The following TGIF1 variants were observed in gnomAD, a reference collection of about 807,000 sequenced individuals.
TGIF1 encodes the protein homeobox protein TGIF1.
In TGIF1, 4 loss-of-function variants were observed where a neutral mutation model predicts 19.3. The ratio of observed to expected loss-of-function variants is 0.21; its 90% CI spans 0.10 to 0.47. The LOEUF is 0.47. Among genes scored for constraint, TGIF1 ranks in the 20% least tolerant of loss-of-function variants. The pLI is 0.98. For synonymous variants in TGIF1, 122 were observed against 129.3 expected, an observed-to-expected ratio of 0.94 and a Z score of 0.38; for missense variants, 275 against 341.4, an observed-to-expected ratio of 0.81 and a Z score of 1.53.
At chr18:3,436,432 T>C (rs1303490108) in intron 2 of TGIF1, among the ~76,000 whole-genome samples, 1 of 152,202 alleles carries the variant, frequency 6.6e-6, no homozygotes, top group Non-Finnish European at 1.5e-5. Context: ...AATTTTAATT[T>C]GTGTTTTGCT....
At chr18:3,424,931 A>C (rs989979568) in intron 2 of TGIF1, among the ~76,000 whole-genome samples, 2 of 152,154 alleles carry the variant, frequency 1.3e-5, no homozygotes, top group African/African-American at 2.4e-5. Context: ...AATATCCTTT[A>C]TAATAAACAG....
intron 1 of TGIF1, chr18:3,415,203 T>A (rs1300650536): frequency 4.5e-6 from 1 of 220,406 alleles, no homozygotes; most frequent in Non-Finnish European, 9.7e-6. Flanking sequence ...CTGGAGTGGC[T>A]CAAGAGCCAG....
intron 1 of TGIF1, among the ~76,000 whole-genome samples, chr18:3,412,448 G>T (rs942387056): frequency 2.0e-5 from 3 of 152,168 alleles, no homozygotes; most frequent in Non-Finnish European, 2.9e-5. Context: ...GAGAAGAAAT[G>T]GAAATATTGT....
intron 1 of TGIF1, chr18:3,415,664 AGAAT>A (rs1156620781): frequency 5.3e-6 from 1 of 190,416 alleles, no homozygotes; most frequent in African/African-American, 2.3e-5. Context: ...GTGCAACTTC[AGAAT>A]GAAGATAGGC....
chr18:3,427,344 T>C (rs2082485802), intron 2 of TGIF1, among the ~76,000 whole-genome samples: 3 of 151,234 alleles, frequency 2.0e-5, no homozygotes, highest in African/African-American at 4.9e-5. Context: ...CAGGCTAGAG[T>C]GCAGAGGCAC....
Position 3,453,686 on chromosome 18 carries a change from CAAAAAAAAAA to C in TGIF1, c.17-2655_17-2646del, listed in dbSNP as rs58332536. Reference sequence around the variant, plus strand: ...GGGTGACAAGAGCGAAACTCTGTCTCAAAAAAAAAAAAAAAAAAAAAAGAACGTGCAGGAA... The same window carrying C: ...GGGTGACAAGAGCGAAACTCTGTCTCAAAAAAAAAAAAGAACGTGCAGGAA... On this transcript the variant is annotated intron_variant, in intron 1 of 2. Transcript: ENST00000343820. 7.1e-5 allele frequency: 19 copies of C among 269,172 alleles called. No homozygotes were observed. In the East Asian group the frequency reaches 1.6e-3, roughly 22 times the overall value. 16.7% of individuals were successfully genotyped at this position (269,172 alleles called of 1,614,324 possible). A position where few individuals can be genotyped will look rare whatever the true frequency, so the allele number is the denominator to read the frequency against.
At position 3,459,841 on chromosome 18, in the gene TGIF1, G is replaced by A. The variant is rs2049465543; in HGVS notation, c.*1901G>A. ...TGATAATAGTTGGTGTTGAATGAAT[G>A]TAATCCATTATTTAAAAACAGGTAC... On this transcript the variant is annotated 3_prime_UTR_variant, in exon 3 of 3. Coordinates refer to ENST00000343820, the MANE Select transcript of TGIF1 (RefSeq NM_003244.4). The A allele has an allele frequency of 6.6e-6, 1 of 152,166 alleles. No individual in the cohort carries two copies. Among genetic ancestry groups the A allele is most frequent in the South Asian group, 2.1e-4 (1 of 4,838 alleles). The allele number at this position is 152,166 out of a possible 1,614,324, so 9.4% of individuals were successfully genotyped here. A position where few individuals can be genotyped will look rare whatever the true frequency, so the allele number is the denominator to read the frequency against.
intron 2 of TGIF1, among the ~76,000 whole-genome samples, chr18:3,419,542 T>C (rs1451685083): frequency 6.6e-6 from 1 of 152,240 alleles, no homozygotes; most frequent in Admixed American, 6.5e-5. Flanking sequence ...ATCCTTTCTT[T>C]TGAAGCAGTC....
chr18:3,426,100 A>G (rs749973413), intron 2 of TGIF1, among the ~76,000 whole-genome samples: 9 of 150,330 alleles, frequency 6.0e-5, no homozygotes, highest in Non-Finnish European at 8.9e-5. Context: ...CAGTCCCCCA[A>G]CTTCGAATTT....
At chr18:3,449,792 G>A (rs991366213), upstream of TGIF1, 87 of 985,406 alleles carry the variant, frequency 8.8e-5, 1 homozygote, top group South Asian at 4.7e-4. Context: ...TTTTCTTCCC[G>A]GGGGTGGAGG....
chr18:3,449,855 C>T (rs942813479), upstream of TGIF1: 4 of 985,332 alleles, frequency 4.1e-6, no homozygotes, highest in Non-Finnish European at 4.8e-6. Context: ...CCGAACCAAA[C>T]GCACCCTCGC....
chr18:3,454,827 T>TAG (rs1401219819), intron 1 of TGIF1, among the ~76,000 whole-genome samples: 1 of 152,224 alleles, frequency 6.6e-6, no homozygotes, highest in Non-Finnish European at 1.5e-5. Context: ...AACTTTACTT[T>TAG]GTCTTTGGAG....
chr18:3,441,567 T>G (rs1407671001), intron 2 of TGIF1, among the ~76,000 whole-genome samples: 2 of 152,218 alleles, frequency 1.3e-5, no homozygotes, highest in Admixed American at 6.5e-5. Flanking sequence ...CCCGACATTG[T>G]CAAATGTTCC....
At chr18:3,450,098 G>A (rs2082853379), upstream of TGIF1, 8 of 1,056,914 alleles carry the variant, frequency 7.6e-6, no homozygotes, top group Non-Finnish European at 9.2e-6. Context: ...AGGAGCGGCG[G>A]GGCGGGAGGG....
chr18:3,434,433 G>A (rs1377296872), intron 2 of TGIF1, among the ~76,000 whole-genome samples: 1 of 152,176 alleles, frequency 6.6e-6, no homozygotes, highest in African/African-American at 2.4e-5. Context: ...CTACTTGGGA[G>A]GCTGAGGCAG....
intron 2 of TGIF1, among the ~76,000 whole-genome samples, chr18:3,437,271 G>A (rs995863948): frequency 1.3e-5 from 2 of 152,096 alleles, no homozygotes; most frequent in African/African-American, 4.8e-5. Context: ...GAGCATGGGG[G>A]ATCTGCATTC....
At position 3,457,192 on chromosome 18, in the gene TGIF1, T is replaced by G; in HGVS notation, c.244-173T>G. ...AGAAGGCTTATGACAGGTGGTAGCTTGCTTTCTTGGCGGAGCTCAGATACC... is the reference window on the plus strand; with the variant it reads ...AGAAGGCTTATGACAGGTGGTAGCTGGCTTTCTTGGCGGAGCTCAGATACC... On this transcript the variant is annotated intron_variant, in intron 2 of 2. Coordinates refer to ENST00000343820, the MANE Select transcript of TGIF1 (RefSeq NM_003244.4). This position sits in a 1 kb window ranked among gnomAD's most constrained non-coding sequence, Gnocchi z 4.9. 2.6e-6 allele frequency: 2 copies of G among 766,570 alleles called. No homozygotes were observed. Among genetic ancestry groups the G allele is most frequent in the Non-Finnish European group, 4.3e-6 (2 of 469,340 alleles). 47.5% of individuals were successfully genotyped at this position (766,570 alleles called of 1,614,324 possible).
At chr18:3,441,777 GC>G (rs1223006389) in intron 2 of TGIF1, among the ~76,000 whole-genome samples, 2 of 152,128 alleles carry the variant, frequency 1.3e-5, no homozygotes, top group African/African-American at 2.4e-5. Context: ...GATATGAAAA[GC>G]CACCTTTGCC....
At chr18:3,424,418 C>T (rs1003183549) in intron 2 of TGIF1, among the ~76,000 whole-genome samples, 13 of 152,128 alleles carry the variant, frequency 8.5e-5, no homozygotes, top group African/African-American at 3.1e-4. Flanking sequence ...GGATCTGAAA[C>T]AGGAAATAGA....
Sources: allele counts gnomAD v4.1 joint callset (sites outside exome capture counted in the v4.1 genomes callset), GRCh38; gene constraint gnomAD v4.1.1; non-coding constraint Gnocchi (gnomAD v3.1); transcripts MANE v1.5; gene names NCBI Gene and HGNC (gene_info 2026-07-23, HGNC 2026-07-21).